The following IRF2 variants were observed in gnomAD, a reference collection of about 807,000 sequenced individuals.
The protein encoded by IRF2 is interferon regulatory factor 2.
In IRF2, 15 loss-of-function variants were observed where a neutral mutation model predicts 40.6. The observed-to-expected ratio is 0.37, with a 90% CI of 0.25 to 0.57. IRF2 has a LOEUF of 0.57. Ranked by LOEUF, IRF2 falls within the 20% of genes least tolerant of loss-of-function variation. IRF2 has a pLI of 0.77. For synonymous variants in IRF2, 151 were observed against 165.5 expected, an observed-to-expected ratio of 0.91 and a Z score of 0.67; for missense variants, 317 against 455.7, an observed-to-expected ratio of 0.70 and a Z score of 2.77.
rs1737358151 is a variant in IRF2, at chr4:184,418,433, T to C, written c.364+99A>G. On this transcript the variant is annotated intron_variant, in intron 4 of 8. Coordinates refer to ENST00000393593, the MANE Select transcript of IRF2 (RefSeq NM_002199.4). ...GATCCCCTACAGCATGAACAGGCTA[T>C]TCTACCTGCAAACTGACTGCAGATG... 4.2e-6 allele frequency: 5 copies of C among 1,188,424 alleles called. No individual in the cohort carries two copies. The Admixed American group carries it at 7.1e-5, about 17-fold the overall frequency. The allele number at this position is 1,188,424 out of a possible 1,614,324, so 73.6% of individuals were successfully genotyped here. A position where few individuals can be genotyped will look rare whatever the true frequency, so the allele number is the denominator to read the frequency against.
intron 7 of IRF2, among the ~76,000 whole-genome samples, chr4:184,396,400 C>T (rs1029898675): frequency 5.9e-5 from 9 of 151,752 alleles, no homozygotes; most frequent in African/African-American, 2.2e-4. Context: ...GCTCTACCCA[C>T]GCCAGCCGCA....
At chr4:184,443,020 G>C (rs1402197371) in intron 1 of IRF2, among the ~76,000 whole-genome samples, 2 of 152,126 alleles carry the variant, frequency 1.3e-5, no homozygotes, top group Non-Finnish European at 2.9e-5. Context: ...CCGCCTCCCA[G>C]GTTCAAGCGA....
At chr4:184,430,285 T>C in intron 1 of IRF2, among the ~76,000 whole-genome samples, 1 of 117,538 alleles carries the variant, frequency 8.5e-6, no homozygotes, top group Non-Finnish European at 2.0e-5. Flanking sequence ...CCTCCTGCTG[T>C]CTGGCCCAGC....
At chr4:184,407,967 T>TAAC (rs200985947) in intron 6 of IRF2, among the ~76,000 whole-genome samples, 191 bp downstream of exon 6, 1 of 152,210 alleles carries the variant, frequency 6.6e-6, no homozygotes, top group Non-Finnish European at 1.5e-5. Context: ...CTGACCCGTC[T>TAAC]AAGTTCCTTT....
Position 184,408,747 on chromosome 4 carries a change from C to G in IRF2, c.412-472G>C, listed in dbSNP as rs1197385060. On this transcript the variant is annotated intron_variant, in intron 5 of 8. Transcript: ENST00000393593. The surrounding 1 kb of genome is among the most constrained non-coding windows in gnomAD (Gnocchi z 4.9). Reference sequence around the variant, plus strand: ...AGTGACTGGCCCAAGAACAGGAGCCCAGAGGACATTGTAGATGAATTCTCT... The same window carrying G: ...AGTGACTGGCCCAAGAACAGGAGCCGAGAGGACATTGTAGATGAATTCTCT... Among the ~76,000 whole-genome samples the G allele has an allele frequency of 1.3e-5, 2 of 152,196 alleles. No individual in the cohort carries two copies. The highest frequency in any genetic ancestry group is 2.9e-5 in the Non-Finnish European group (2 of 68,042).
At chr4:184,397,843 A>G (rs1023779000) in intron 7 of IRF2, among the ~76,000 whole-genome samples, 9 of 152,348 alleles carry the variant, frequency 5.9e-5, no homozygotes, top group Non-Finnish European at 8.8e-5. Flanking sequence ...ACAAAATTCA[A>G]TGGAGATCAT....
chr4:184,450,607 A>AC (rs1286021828), intron 1 of IRF2, among the ~76,000 whole-genome samples: 1 of 152,212 alleles, frequency 6.6e-6, no homozygotes, highest in African/African-American at 2.4e-5. Flanking sequence ...AGTCGAGTTT[A>AC]CCTAACAATA....
intron 2 of IRF2, among the ~76,000 whole-genome samples, chr4:184,423,644 G>A (rs1163073112): frequency 1.3e-5 from 2 of 152,038 alleles, no homozygotes; most frequent in Admixed American, 1.3e-4. Context: ...CAGAGTTGGG[G>A]GTCACATGGA....
rs550442580 is a variant in IRF2 at position 184,399,149 on chromosome 4, G to A, written c.530-70C>T. 15 of 1,487,708 alleles carry A rather than the reference G, an allele frequency of 1.0e-5. No individual in the cohort carries two copies. In the East Asian group the frequency reaches 2.8e-4, roughly 28 times the overall value. 92.2% of individuals were successfully genotyped at this position (1,487,708 alleles called of 1,614,324 possible). The stretch of plus-strand genomic sequence containing the variant: ...AATTCTAGCACACTTTCTCAAGAAA[G>A]AGTCTTCCCCAAAAGAGCCAGGTCG... On this transcript the variant is annotated intron_variant, in intron 6 of 8. Coordinates refer to ENST00000393593, the MANE Select transcript of IRF2 (RefSeq NM_002199.4).
intron 4 of IRF2, 58 bp downstream of exon 4, chr4:184,418,474 C>T: frequency 6.7e-7 from 1 of 1,486,736 alleles, no homozygotes; most frequent in Non-Finnish European, 9.4e-7. Flanking sequence ...ATGAAGAGAT[C>T]ACGAAGGCAC....
Position 184,394,939 on chromosome 4 carries a change from G to A in IRF2, c.694+3976C>T, listed in dbSNP as rs190825046. On this transcript the variant is annotated intron_variant, in intron 7 of 8. Coordinates refer to ENST00000393593, the MANE Select transcript of IRF2 (RefSeq NM_002199.4). ...TTTATGTTGTCTTAAAACATCCAACGCAAGTACTATCTCTTCTCTTTCTCA... is the reference window on the plus strand; with the variant it reads ...TTTATGTTGTCTTAAAACATCCAACACAAGTACTATCTCTTCTCTTTCTCA... Among the ~76,000 whole-genome samples the A allele has an allele frequency of 1.1e-4, 16 of 152,222 alleles. No individual in the cohort carries two copies. In the South Asian group the frequency reaches 1.7e-3, roughly 16 times the overall value.
chr4:184,457,835 C>T (rs1018378756), intron 1 of IRF2, among the ~76,000 whole-genome samples: 1 of 141,470 alleles, frequency 7.1e-6, no homozygotes, highest in Non-Finnish European at 1.6e-5. Flanking sequence ...TGTTCCAAAT[C>T]CTCAAAAACC....
intron 1 of IRF2, among the ~76,000 whole-genome samples, chr4:184,466,649 G>C (rs771836908): frequency 3.3e-5 from 5 of 152,212 alleles, no homozygotes; most frequent in Non-Finnish European, 5.9e-5. Context: ...GATTGAGTTT[G>C]GGGCCTCACA....
chr4:184,395,809 G>C (rs1736433880), intron 7 of IRF2, among the ~76,000 whole-genome samples: 1 of 152,246 alleles, frequency 6.6e-6, no homozygotes, highest in Admixed American at 6.5e-5. Context: ...CTGCCATCCT[G>C]GCACTGAAAT....
chr4:184,465,725 G>A (rs558816306), intron 1 of IRF2, among the ~76,000 whole-genome samples: 6 of 152,098 alleles, frequency 3.9e-5, no homozygotes, highest in East Asian at 3.8e-4. Flanking sequence ...GCCGTAATTC[G>A]TTCAAATGTG....
chr4:184,416,317 CAAAAAAAAAACAAAAA>C (rs932285808), intron 5 of IRF2, among the ~76,000 whole-genome samples: 1 of 35,026 alleles, frequency 2.9e-5, no homozygotes, highest in African/African-American at 1.2e-4. Flanking sequence ...GACCTTGTCT[CAAAAAAAAAACAAAAA>C]AAAAAAAAAA....
chr4:184,449,499 A>T (rs1188994021), intron 1 of IRF2, among the ~76,000 whole-genome samples: 1 of 152,224 alleles, frequency 6.6e-6, no homozygotes, highest in East Asian at 1.9e-4. Flanking sequence ...ACGCTCAATA[A>T]ATATTAGTTG....
intron 1 of IRF2, among the ~76,000 whole-genome samples, chr4:184,453,743 A>C (rs1190882675): frequency 6.6e-6 from 1 of 152,190 alleles, no homozygotes; most frequent in African/African-American, 2.4e-5. Context: ...TGGCTTGAGG[A>C]GGAGGAGCGT....
chr4:184,417,072 A>T (rs1459745278), intron 5 of IRF2, among the ~76,000 whole-genome samples: 1 of 152,104 alleles, frequency 6.6e-6, no homozygotes, highest in Non-Finnish European at 1.5e-5. Flanking sequence ...AAATAAATAA[A>T]TTACTTCTGT....
Sources: allele counts gnomAD v4.1 joint callset (sites outside exome capture counted in the v4.1 genomes callset), GRCh38; gene constraint gnomAD v4.1.1; non-coding constraint Gnocchi (gnomAD v3.1); transcripts MANE v1.5; gene names NCBI Gene and HGNC (gene_info 2026-07-23, HGNC 2026-07-21).